The following COX7A2L variants were observed in gnomAD, a reference collection of about 807,000 sequenced individuals.
COX7A2L encodes the protein cytochrome c oxidase subunit 7A2-like, mitochondrial.
In COX7A2L, 18 loss-of-function variants were observed where a neutral mutation model predicts 14.2. The observed-to-expected ratio is 1.27, with a 90% confidence interval of 0.88 to 1.88. The LOEUF is 1.88. Ranked by LOEUF, COX7A2L falls within the 40% of genes most tolerant of loss-of-function variation. The pLI is 0.00. For missense variants in COX7A2L, 179 were observed against 138.8 expected (o/e 1.29, Z -1.46); for synonymous variants, 65 against 57.4 (o/e 1.13, Z -0.60).
chr2:42,347,938 C>T (rs1670530788), downstream of COX7A2L, among the ~76,000 whole-genome samples: 1 of 152,028 alleles, frequency 6.6e-6, no homozygotes, highest in African/African-American at 2.4e-5. Context: ...AAAGAAAATG[C>T]ATCTATATAT....
In COX7A2L at chr2:42,339,116, AGTG is replaced by A. The variant is rs1366301654; in HGVS notation, c.193-5250_193-5248del. ...CTGCCGTTCACCATGCCAAAGCTGA[AGTG>A]GTTTCTATGGGAAACTCTCACAATA... On this transcript the variant is annotated intron_variant, in intron 2 of 2. Coordinates refer to the COX7A2L transcript ENST00000468711. The surrounding 1 kb of genome is among the most constrained non-coding windows in gnomAD (Gnocchi z 5.4). Among the ~76,000 whole-genome samples the A allele has an allele frequency of 6.6e-6, 1 of 152,252 alleles. No homozygotes were observed. The highest frequency in any genetic ancestry group is 1.5e-5 in the Non-Finnish European group (1 of 68,042).
chr2:42,361,095 G>A lies in COX7A2L; in HGVS notation c.67C>T (p.Pro23Ser). Reference protein sequence around the residue: ...AGAWASEAYSPQGLKPVVSTE... With the variant: ...AGAWASEAYSSQGLKPVVSTE... ...TGGCCAGGCGCCACTCGTACCTGCG[G>A]GCTATAGGCCTCCGAAGCCCATGCT... is the stretch of plus-strand genomic sequence containing the variant. Residue 23 changes from proline (P) to serine (S), a missense_variant, in exon 1 of 3, where the codon CCG becomes TCG. Physicochemically the swap from Pro to Ser is moderately conservative, Grantham distance 74. Transcript: ENST00000234301. 1.2e-6 allele frequency: 2 copies of A among 1,613,674 alleles called. No homozygotes were observed. Among genetic ancestry groups the A allele is most frequent in the Non-Finnish European group, 1.7e-6 (2 of 1,179,870 alleles).
intron 2 of COX7A2L, among the ~76,000 whole-genome samples, chr2:42,343,675 A>G (rs1302696371): frequency 1.3e-5 from 2 of 152,240 alleles, no homozygotes; most frequent in Non-Finnish European, 2.9e-5. Flanking sequence ...CAATTTTTAT[A>G]GCCCCAGGTA....
intron 2 of COX7A2L, among the ~76,000 whole-genome samples, chr2:42,337,367 ACT>A (rs982436305): frequency 1.3e-5 from 2 of 152,140 alleles, no homozygotes; most frequent in African/African-American, 2.4e-5. Flanking sequence ...CCATCTCAAA[ACT>A]CTACAAACTG....
chr2:42,346,079 G>A (rs1027936429), downstream of COX7A2L, among the ~76,000 whole-genome samples: 1 of 152,156 alleles, frequency 6.6e-6, no homozygotes, highest in Admixed American at 6.5e-5. Flanking sequence ...CTCCTTCCCT[G>A]CATCTGCCCC....
chr2:42,342,147 C>G lies in COX7A2L; in HGVS notation c.193-8278G>C, dbSNP rs1276863183. ...CCAGGTCTTCCTATGAGAGGCTGAG[C>G]TGAGCAACCACGCTGCCTCCATGCT... On this transcript the variant is annotated intron_variant, in intron 2 of 2. Coordinates refer to the COX7A2L transcript ENST00000468711. The surrounding 1 kb of genome is among the most constrained non-coding windows in gnomAD (Gnocchi z 4.9). 6.6e-6 allele frequency among the ~76,000 whole-genome samples: 1 copy of G among 152,126 alleles called. No homozygotes were observed. The highest frequency in any genetic ancestry group is 1.5e-5 in the Non-Finnish European group (1 of 68,016).
At chr2:42,348,304 G>A (rs181386855), downstream of COX7A2L, among the ~76,000 whole-genome samples, 3 of 152,334 alleles carry the variant, frequency 2.0e-5, no homozygotes, top group Admixed American at 2.0e-4. Flanking sequence ...GATATTCCTA[G>A]TCTCAAATAT....
upstream of COX7A2L, among the ~76,000 whole-genome samples, chr2:42,362,554 G>A (rs1487056990): frequency 6.6e-6 from 1 of 152,142 alleles, no homozygotes; most frequent in Non-Finnish European, 1.5e-5. Flanking sequence ...TAGGCATTTG[G>A]CTCAAGACTT....
chr2:42,353,117 G>A, intron 2 of COX7A2L, 95 bp downstream of exon 2: 1 of 1,429,658 alleles, frequency 7.0e-7, no homozygotes, highest in Non-Finnish European at 9.6e-7. Flanking sequence ...AAGAAGGAGG[G>A]TGGGTAGTAA....
chr2:42,354,335 T>G (rs1037513494), intron 1 of COX7A2L, among the ~76,000 whole-genome samples: 4 of 152,248 alleles, frequency 2.6e-5, no homozygotes, highest in African/African-American at 9.6e-5. Flanking sequence ...GTGACAAATA[T>G]ATAGAGTAAT....
chr2:42,340,182 T>A (rs1670373300), intron 2 of COX7A2L, among the ~76,000 whole-genome samples: 1 of 152,026 alleles, frequency 6.6e-6, no homozygotes, highest in Non-Finnish European at 1.5e-5. Context: ...GGTTCTGTAC[T>A]CCACTCCCCA....
intron 2 of COX7A2L, among the ~76,000 whole-genome samples, chr2:42,343,617 T>C (rs986872407): frequency 2.1e-4 from 32 of 152,230 alleles, no homozygotes; most frequent in African/African-American, 7.2e-4. Flanking sequence ...ACGTCAAATA[T>C]ATGTATTAAA....
chr2:42,360,953 C>A, intron 1 of COX7A2L, 137 bp downstream of exon 1: 1 of 841,506 alleles, frequency 1.2e-6, no homozygotes, highest in Non-Finnish European at 2.0e-6. Flanking sequence ...TGTGGAGAGG[C>A]CCCGGGAGGT....
chr2:42,338,722 G>A lies in COX7A2L; in HGVS notation c.193-4853C>T, dbSNP rs962945691. ...CAGCAGGACTCTAACCACTGGCTAC[G>A]GTGGAAAAGGCCTCAGGAAACAGTT... On this transcript the variant is annotated intron_variant, in intron 2 of 2. Coordinates refer to the COX7A2L transcript ENST00000468711. This position sits in a 1 kb window ranked among gnomAD's most constrained non-coding sequence, Gnocchi z 4.4. Among the ~76,000 whole-genome samples the A allele has an allele frequency of 6.6e-6, 1 of 152,174 alleles. No individual in the cohort carries two copies. Among genetic ancestry groups the A allele is most frequent in the African/African-American group, 2.4e-5 (1 of 41,454 alleles).
rs887987097 is a variant in COX7A2L, at chr2:42,338,946, G to C, written c.193-5077C>G. Among the ~76,000 whole-genome samples the C allele has an allele frequency of 1.3e-5, 2 of 152,186 alleles. No individual in the cohort carries two copies. The highest frequency in any genetic ancestry group is 4.8e-5 in the African/African-American group (2 of 41,438). ...CAGCACATAAGAGAACGAGAGATTA[G>C]CTGTCCCTGCATCAGAGCGCCAGGA... On this transcript the variant is annotated intron_variant, in intron 2 of 2. Transcript: ENST00000468711. The surrounding 1 kb of genome is among the most constrained non-coding windows in gnomAD (Gnocchi z 4.4).
At chr2:42,361,409 T>TATTTC (rs2103915009), upstream of COX7A2L, 1 of 457,702 alleles carries the variant, frequency 2.2e-6, no homozygotes, top group South Asian at 3.1e-5. Context: ...TGGCGGAGTC[T>TATTTC]GTAGGAAATA....
upstream of COX7A2L, among the ~76,000 whole-genome samples, chr2:42,362,485 G>A (rs2103917116): frequency 6.6e-6 from 1 of 152,322 alleles, no homozygotes; most frequent in African/African-American, 2.4e-5. Context: ...TTAGAATACA[G>A]GAAAATGACG....
intron 2 of COX7A2L, among the ~76,000 whole-genome samples, chr2:42,344,234 C>A (rs1473202404): frequency 1.3e-5 from 2 of 152,130 alleles, no homozygotes; most frequent in Admixed American, 6.5e-5. Context: ...CGGAATGTAA[C>A]CTCCACTGCA....
At chr2:42,354,130 T>C (rs2103895403) in intron 1 of COX7A2L, among the ~76,000 whole-genome samples, 1 of 152,300 alleles carries the variant, frequency 6.6e-6, no homozygotes, top group South Asian at 2.1e-4. Flanking sequence ...AGGTATCCAT[T>C]TGAGGTGATT....
Sources: gnomAD v4.1 joint callset for allele counts (sites outside exome capture counted in the v4.1 genomes callset) on GRCh38, gnomAD v4.1.1 for gene constraint, Gnocchi (gnomAD v3.1) non-coding constraint, MANE v1.5 for transcripts, NCBI Gene and HGNC (gene_info 2026-07-23, HGNC 2026-07-21) for gene names.